The following LRRTM4 variants were observed in gnomAD, a reference collection of about 807,000 sequenced individuals.
The protein encoded by LRRTM4 is leucine rich repeat transmembrane neuronal 4.
LRRTM4 carries 25 observed loss-of-function variants against 47.6 expected under a neutral mutation model. That is an observed-to-expected ratio of 0.53 (90% CI 0.38 to 0.73). The LOEUF (loss-of-function observed/expected upper bound fraction) is 0.73. Ranked by LOEUF, LRRTM4 falls within the 30% of genes least tolerant of loss-of-function variation. LRRTM4 has a pLI of 0.00. For synonymous variants in LRRTM4, 311 were observed against 269.5 expected (o/e 1.15, Z -1.51); for missense variants, 638 against 713.4 (o/e 0.89, Z 1.20).
chr2:77,267,184 C>T (rs907818509), intron 3 of LRRTM4, among the ~76,000 whole-genome samples: 1 of 152,018 alleles, frequency 6.6e-6, no homozygotes, highest in African/African-American at 2.4e-5. Flanking sequence ...AGAATAGAAT[C>T]GAATATTTAA....
At chr2:76,829,711 G>C (rs1000692150) in intron 3 of LRRTM4, among the ~76,000 whole-genome samples, 3 of 151,862 alleles carry the variant, frequency 2.0e-5, no homozygotes, top group Non-Finnish European at 4.4e-5. Flanking sequence ...AATTTTCTTT[G>C]GGATGTTGAT....
intron 3 of LRRTM4, among the ~76,000 whole-genome samples, chr2:76,800,924 A>G (rs750489052): frequency 6.6e-6 from 1 of 151,384 alleles, no homozygotes; most frequent in Non-Finnish European, 1.5e-5. Flanking sequence ...GCTCATCATC[A>G]CTGGCCATCA....
intron 3 of LRRTM4, among the ~76,000 whole-genome samples, chr2:76,841,822 G>T (rs1232194219): frequency 6.6e-6 from 1 of 152,022 alleles, no homozygotes; most frequent in Non-Finnish European, 1.5e-5. Context: ...ACTAGAAACT[G>T]AAGAACTAAA....
At chr2:77,495,734 G>C (rs1165791857) in intron 3 of LRRTM4, among the ~76,000 whole-genome samples, 1 of 151,972 alleles carries the variant, frequency 6.6e-6, no homozygotes, top group Non-Finnish European at 1.5e-5. Flanking sequence ...TCATTGATCT[G>C]CTTGTCTGTC....
intron 3 of LRRTM4, among the ~76,000 whole-genome samples, chr2:76,912,065 C>T (rs1223192347): frequency 1.3e-5 from 2 of 151,584 alleles, no homozygotes; most frequent in Admixed American, 6.6e-5. Flanking sequence ...CAACTATAGG[C>T]GCCCGCCACC....
intron 3 of LRRTM4, among the ~76,000 whole-genome samples, chr2:76,825,790 G>C (rs974004097): frequency 5.3e-5 from 8 of 151,674 alleles, no homozygotes; most frequent in African/African-American, 1.4e-4. Flanking sequence ...ACTGAGCCTG[G>C]AGCACTAAAA....
chr2:77,431,079 G>A (rs185319024), intron 3 of LRRTM4, among the ~76,000 whole-genome samples: 11 of 148,822 alleles, frequency 7.4e-5, no homozygotes, highest in Admixed American at 4.6e-4. Flanking sequence ...ACTGAGAGTC[G>A]CAACATTGGT....
intron 3 of LRRTM4, among the ~76,000 whole-genome samples, chr2:76,932,674 A>G (rs1674810287): frequency 6.6e-6 from 1 of 152,046 alleles, no homozygotes; most frequent in Admixed American, 6.6e-5. Flanking sequence ...TTTTCTAAAT[A>G]TTTGTATATA....
At chr2:77,063,240 G>A (rs946501664) in intron 3 of LRRTM4, among the ~76,000 whole-genome samples, 2 of 152,148 alleles carry the variant, frequency 1.3e-5, no homozygotes, top group Non-Finnish European at 2.9e-5. Context: ...TTATAGGCGT[G>A]AGCCACTGCG....
chr2:77,105,653 G>A (rs1435570110), intron 3 of LRRTM4, among the ~76,000 whole-genome samples: 2 of 151,556 alleles, frequency 1.3e-5, no homozygotes, highest in Non-Finnish European at 2.9e-5. Context: ...AAAACTTAAA[G>A]TATAATAAAA....
At chr2:76,822,349 C>T (rs1671076898) in intron 3 of LRRTM4, among the ~76,000 whole-genome samples, 3 of 151,056 alleles carry the variant, frequency 2.0e-5, no homozygotes, top group South Asian at 2.1e-4. Flanking sequence ...AATATTCTAG[C>T]GAAAACAGAA....
At chr2:77,229,333 C>T (rs535177564) in intron 3 of LRRTM4, among the ~76,000 whole-genome samples, 1 of 152,240 alleles carries the variant, frequency 6.6e-6, no homozygotes, top group African/African-American at 2.4e-5. Context: ...AAACTCTTCT[C>T]TAAATCATAT....
At chr2:77,037,303 A>G (rs1444413924) in intron 3 of LRRTM4, among the ~76,000 whole-genome samples, 1 of 151,796 alleles carries the variant, frequency 6.6e-6, no homozygotes, top group African/African-American at 2.4e-5. Flanking sequence ...CATGTTAAAT[A>G]CAAAGTTCAC....
At chr2:77,264,754 G>T (rs1158291009) in intron 3 of LRRTM4, among the ~76,000 whole-genome samples, 1 of 151,860 alleles carries the variant, frequency 6.6e-6, no homozygotes, top group Non-Finnish European at 1.5e-5. Context: ...CTAAAATGAG[G>T]CCCCTTATAT....
At chr2:77,231,775 CAAAT>C (rs1674972516) in intron 3 of LRRTM4, among the ~76,000 whole-genome samples, 1 of 152,146 alleles carries the variant, frequency 6.6e-6, no homozygotes, top group South Asian at 2.1e-4. Context: ...GAGGAACACT[CAAAT>C]AAGTCATATA....
chr2:77,084,246 G>A (rs1362025575), intron 3 of LRRTM4, among the ~76,000 whole-genome samples: 4 of 152,148 alleles, frequency 2.6e-5, no homozygotes. Context: ...TCTTCAAGTA[G>A]TCTTAGATTC....
intron 3 of LRRTM4, among the ~76,000 whole-genome samples, chr2:77,268,897 G>A (rs1471977865): frequency 2.0e-5 from 3 of 152,006 alleles, no homozygotes; most frequent in East Asian, 1.9e-4. Context: ...ATGCCTCTCC[G>A]GGAATACTTG....
intron 3 of LRRTM4, among the ~76,000 whole-genome samples, chr2:77,422,860 T>C (rs1435314868): frequency 5.9e-5 from 9 of 152,232 alleles, no homozygotes; most frequent in African/African-American, 1.9e-4. Flanking sequence ...GCATTCTCTT[T>C]ATTGTATGTT....
intron 3 of LRRTM4, among the ~76,000 whole-genome samples, chr2:76,912,164 C>A (rs753238634): frequency 6.6e-6 from 1 of 152,114 alleles, no homozygotes; most frequent in East Asian, 1.9e-4. Flanking sequence ...TGTGATCCCC[C>A]CGCCTCGGCC....
Sources: gnomAD v4.1 joint callset for allele counts (sites outside exome capture counted in the v4.1 genomes callset) on GRCh38, gnomAD v4.1.1 for gene constraint, MANE v1.5 for transcripts, NCBI Gene and HGNC (gene_info 2026-07-23, HGNC 2026-07-21) for gene names.